CIITA: variants seen among roughly 807,000 people sequenced by gnomAD.
The protein encoded by CIITA is MHC class II transactivator.
In CIITA, 72 loss-of-function variants were observed where a neutral mutation model predicts 115.1. The observed-to-expected ratio is 0.63, with a 90% CI of 0.52 to 0.76. The LOEUF (loss-of-function observed/expected upper bound fraction) is 0.76. Among genes scored for constraint, CIITA ranks in the 30% least tolerant of loss-of-function variants. The pLI is 0.00. For synonymous variants in CIITA, 763 were observed against 635.6 expected (o/e 1.20, Z -3.02); for missense variants, 1,617 against 1,463.8 (o/e 1.10, Z -1.71).
chr16:10,899,135 A>G, intron 5 of CIITA, 133 bp downstream of exon 5: 1 of 796,420 alleles, frequency 1.3e-6, no homozygotes, highest in Non-Finnish European at 2.2e-6. Flanking sequence ...TTAAAAGCCA[A>G]CAGGAGCCTT....
chr16:10,912,869 G>A (rs2039677361), intron 13 of CIITA, among the ~76,000 whole-genome samples: 1 of 152,240 alleles, frequency 6.6e-6, no homozygotes, highest in Non-Finnish European at 1.5e-5. Context: ...AGGAAGGAAG[G>A]AAGGAAGGAA....
intron 1 of CIITA, among the ~76,000 whole-genome samples, chr16:10,883,167 G>C (rs1019573860): frequency 2.6e-5 from 4 of 152,060 alleles, no homozygotes; most frequent in Non-Finnish European, 4.4e-5. Context: ...TGGAGTGTGG[G>C]GCCTGGCTTT....
chr16:10,920,339 CT>C lies in CIITA; in HGVS notation c.3149+1814del, dbSNP rs1340113300. On this transcript the variant is annotated intron_variant, in intron 16 of 19. Transcript: ENST00000324288. This position sits in a 1 kb window ranked among gnomAD's most constrained non-coding sequence, Gnocchi z 4.5. ...CTCAGCTCACTGCAAGCACTGCCTC[CT>C]GGGTTCAAGTGATTCTCATGCCTCA... 1.3e-5 allele frequency among the ~76,000 whole-genome samples: 2 copies of C among 152,320 alleles called. No homozygotes were observed. The highest frequency in any genetic ancestry group is 4.8e-5 in the African/African-American group (2 of 41,574).
Position 10,906,520 on chromosome 16 carries a change from G to A in CIITA, c.1028G>A (p.Arg343His), listed in dbSNP as rs765940448. 26 of 1,612,012 alleles carry A rather than the reference G, an allele frequency of 1.6e-5. No individual in the cohort carries two copies. Among genetic ancestry groups the A allele is most frequent in the African/African-American group, 2.7e-5 (2 of 74,974 alleles). The stretch of plus-strand genomic sequence containing the variant: ...GCAGAGCCGGTGGAGCAGTTCTACC[G>A]CTCACTGCAGGACACGTATGGTGCC... The part of the protein sequence containing the change: ...KWPEPVEQFY[R>H]SLQDTYGAEP... Residue 343 changes from arginine to histidine, a missense_variant, in exon 11 of 20, where the codon CGC becomes CAC. Transcript: ENST00000324288.
intron 16 of CIITA, among the ~76,000 whole-genome samples, chr16:10,921,762 G>C (rs918438104): frequency 1.3e-5 from 2 of 152,190 alleles, no homozygotes; most frequent in African/African-American, 4.8e-5. Flanking sequence ...CAGAGAAGTG[G>C]TCTCAACTCT....
chr16:10,891,701 C>G (rs2037599448), intron 1 of CIITA, among the ~76,000 whole-genome samples: 2 of 152,292 alleles, frequency 1.3e-5, no homozygotes, highest in Admixed American at 6.5e-5. Flanking sequence ...TTTCTCACTG[C>G]TCTGAGAGAA....
At position 10,901,852 on chromosome 16, in the gene CIITA, A is replaced by T; in HGVS notation, c.482-186A>T. 2 of 872,152 alleles carry T rather than the reference A, an allele frequency of 2.3e-6. No individual in the cohort carries two copies. Among genetic ancestry groups the T allele is most frequent in the South Asian group, 3.0e-5 (2 of 66,096 alleles). 54.0% of individuals were successfully genotyped at this position (872,152 alleles called of 1,614,324 possible). A position where few individuals can be genotyped will look rare whatever the true frequency, so the allele number is the denominator to read the frequency against. ...TCAGCATAGCTCTCAGAGCCAAGTC[A>T]CAAGGAGAGGACTGGGGGACTGCCT... On this transcript the variant is annotated intron_variant, in intron 6 of 19. Coordinates refer to ENST00000324288, the MANE Select transcript of CIITA (RefSeq NM_000246.4). The surrounding 1 kb of genome is among the most constrained non-coding windows in gnomAD (Gnocchi z 6.8).
Position 10,929,309 on chromosome 16 carries a change from T to C in CIITA, c.*5454T>C, listed in dbSNP as rs1185531627. On this transcript the variant is annotated 3_prime_UTR_variant, in exon 20 of 20. Transcript: ENST00000324288. The surrounding 1 kb of genome is among the most constrained non-coding windows in gnomAD (Gnocchi z 4.3). ...TGGGGGAAGCAGGTGCGCTCCGGGA[T>C]GAAGTGCAGGGAGGCAAACTCTGGC... The C allele has an allele frequency of 1.0e-6, 1 of 985,788 alleles. No individual in the cohort carries two copies. Among genetic ancestry groups the C allele is most frequent in the Non-Finnish European group, 1.2e-6 (1 of 829,982 alleles). The allele number at this position is 985,788 out of a possible 1,614,324, so 61.1% of individuals were successfully genotyped here. A position where few individuals can be genotyped will look rare whatever the true frequency, so the allele number is the denominator to read the frequency against.
chr16:10,890,972 A>G (rs951894257), intron 1 of CIITA, among the ~76,000 whole-genome samples: 1 of 152,186 alleles, frequency 6.6e-6, no homozygotes, highest in East Asian at 1.9e-4. Flanking sequence ...AGGTAGGGGT[A>G]GTCTCAAAGT....
Position 10,909,042 on chromosome 16 carries a change from G to A in CIITA, c.2671G>A (p.Asp891Asn), listed in dbSNP as rs745913823. ...CTCCCTCCACAGGGCTGCCTTGAGC[G>A]ACACGGTGGCGCTGTGGGAGTCCCT... ...CVTRFRAALSDTVALWESLQQ... is the reference protein window; with the variant it reads ...CVTRFRAALSNTVALWESLQQ... Residue 891 changes from aspartate (D) to asparagine (N), a missense_variant, in exon 12 of 20, where the codon GAC (aspartate) becomes AAC (asparagine). Transcript: ENST00000324288. 10 of 1,614,190 alleles carry A rather than the reference G, an allele frequency of 6.2e-6. No homozygotes were observed. The highest frequency in any genetic ancestry group is 1.1e-5 in the South Asian group (1 of 91,088).
At chr16:10,895,547 C>G in intron 2 of CIITA, 119 bp downstream of exon 2, 1 of 1,557,192 alleles carries the variant, frequency 6.4e-7, no homozygotes, top group South Asian at 1.1e-5. Flanking sequence ...ACAGCTCCCA[C>G]GTCTGTGGGA....
intron 11 of CIITA, chr16:10,908,497 A>G: frequency 1.1e-5 from 5 of 441,892 alleles, no homozygotes; most frequent in East Asian, 4.8e-5. Flanking sequence ...GAGTAAAGCC[A>G]TGGCCTCCCC....
rs191775376 is a variant in CIITA at position 10,913,817 on chromosome 16, T to C, written c.2889-1753T>C. Among the ~76,000 whole-genome samples, 915 of 152,068 alleles carry C rather than the reference T, an allele frequency of 6.0e-3. 15 individuals carry two copies. The highest frequency in any genetic ancestry group is 0.021 in the African/African-American group (878 of 41,512). ...TTAGCTGGGCATGGTGGCAGGTGCC[T>C]GTAGTCACAGCTACTTGGGAGGCTG... On this transcript the variant is annotated intron_variant, in intron 13 of 19. Coordinates refer to ENST00000324288, the MANE Select transcript of CIITA (RefSeq NM_000246.4).
rs756338689 is a variant in CIITA, at chr16:10,941,853, G to A, written n.979G>A. On this transcript the variant is annotated non_coding_transcript_exon_variant, in exon 2 of 2. Coordinates refer to the CIITA transcript ENST00000573379. The surrounding 1 kb of genome is among the most constrained non-coding windows in gnomAD (Gnocchi z 6.4). ...GCAGGAAGACGAGGCCCACGTTGAG[G>A]ACGATGTACTCCATGAGGAAGGCGT... The A allele has an allele frequency of 2.1e-5, 34 of 1,612,784 alleles. No individual in the cohort carries two copies. Among genetic ancestry groups the A allele is most frequent in the South Asian group, 1.2e-4 (11 of 91,032 alleles).
Position 10,923,449 on chromosome 16 carries a change from G to T in CIITA, c.*22+124G>T, listed in dbSNP as rs2040383881. ...GCTAGGCCACCACCCTTGGACGCATGCGTCATCAGAGACATCCCCTCATCT... is the reference window on the plus strand; with the variant it reads ...GCTAGGCCACCACCCTTGGACGCATTCGTCATCAGAGACATCCCCTCATCT... On this transcript the variant is annotated intron_variant, in intron 19 of 19. Transcript: ENST00000324288. The surrounding 1 kb of genome is among the most constrained non-coding windows in gnomAD (Gnocchi z 5.2). 2.7e-6 allele frequency: 2 copies of T among 739,054 alleles called. No individual in the cohort carries two copies. Among genetic ancestry groups the T allele is most frequent in the African/African-American group, 1.7e-5 (1 of 58,000 alleles). The allele number at this position is 739,054 out of a possible 1,614,324, so 45.8% of individuals were successfully genotyped here.
At position 10,903,648 on chromosome 16, in the gene CIITA, C is replaced by T. The variant is rs528058263; in HGVS notation, c.773-83C>T. 4 of 1,441,128 alleles carry T rather than the reference C, an allele frequency of 2.8e-6. No individual in the cohort carries two copies. The East Asian group carries it at 9.1e-5, about 33-fold the overall frequency. The allele number at this position is 1,441,128 out of a possible 1,614,324, so 89.3% of individuals were successfully genotyped here. A position where few individuals can be genotyped will look rare whatever the true frequency, so the allele number is the denominator to read the frequency against. Reference sequence around the variant, plus strand: ...CTCCAGACTTCCTGAGCTCCACAGCCCAGTTTGGAGTAGGGGTGACCCAAG... The same window carrying T: ...CTCCAGACTTCCTGAGCTCCACAGCTCAGTTTGGAGTAGGGGTGACCCAAG... On this transcript the variant is annotated intron_variant, in intron 8 of 19. Transcript: ENST00000324288.
intron 1 of CIITA, among the ~76,000 whole-genome samples, chr16:10,894,424 G>A (rs571173497): frequency 1.3e-5 from 2 of 152,100 alleles, no homozygotes; most frequent in South Asian, 4.2e-4. Flanking sequence ...GTGAACATTC[G>A]TGTATAGGTT....
chr16:10,906,377 A>G, intron 10 of CIITA, 122 bp from the exon 11 acceptor site: 1 of 1,238,610 alleles, frequency 8.1e-7, no homozygotes, highest in Non-Finnish European at 1.1e-6. Flanking sequence ...AACAAAACAA[A>G]CAAACAAAAA....
intron 12 of CIITA, 92 bp downstream of exon 12, chr16:10,909,279 GC>G: frequency 3.6e-6 from 5 of 1,371,954 alleles, no homozygotes; most frequent in Non-Finnish European, 5.2e-6. Flanking sequence ...CATTTCCAGT[GC>G]CCCCTGTCCT....
Sources: gnomAD v4.1 joint callset for allele counts (sites outside exome capture counted in the v4.1 genomes callset) on GRCh38, gnomAD v4.1.1 for gene constraint, Gnocchi (gnomAD v3.1) non-coding constraint, MANE v1.5 for transcripts, NCBI Gene and HGNC (gene_info 2026-07-23, HGNC 2026-07-21) for gene names.